The following MDGA2 variants were observed in gnomAD, a reference collection of about 807,000 sequenced individuals.
MDGA2 encodes the protein MAM domain-containing glycosylphosphatidylinositol anchor protein 2.
Under a neutral mutation model 117.8 loss-of-function variants are expected in MDGA2, and 40 were observed. The observed-to-expected ratio is 0.34, with a 90% CI of 0.26 to 0.44. MDGA2 has a LOEUF of 0.44. Ranked by LOEUF, MDGA2 falls within the 20% of genes least tolerant of loss-of-function variation. The pLI, the probability that MDGA2 is intolerant of heterozygous loss-of-function variation, is 1.00. For synonymous variants in MDGA2, 452 were observed against 439.0 expected (o/e 1.03, Z -0.37); for missense variants, 1,123 against 1,250.6 (o/e 0.90, Z 1.54).
chr14:47,556,073 G>A (rs1895677081), intron 1 of MDGA2, among the ~76,000 whole-genome samples: 1 of 152,138 alleles, frequency 6.6e-6, no homozygotes, highest in Non-Finnish European at 1.5e-5. Flanking sequence ...CCAGACACCT[G>A]ACCCCCAGTT....
intron 2 of MDGA2, among the ~76,000 whole-genome samples, chr14:47,254,287 G>T (rs2139651139): frequency 1.3e-5 from 2 of 152,240 alleles, no homozygotes; most frequent in South Asian, 4.1e-4. Flanking sequence ...CTATCACATT[G>T]TCAGGGTGCA....
chr14:46,947,357 T>C (rs1009234049), intron 9 of MDGA2, among the ~76,000 whole-genome samples: 1 of 152,136 alleles, frequency 6.6e-6, no homozygotes, highest in African/African-American at 2.4e-5. Context: ...TCAAACATTT[T>C]TGTACTTGAT....
intron 1 of MDGA2, among the ~76,000 whole-genome samples, chr14:47,303,686 TA>T (rs1270012629): frequency 6.6e-6 from 1 of 152,124 alleles, no homozygotes; most frequent in Non-Finnish European, 1.5e-5. Flanking sequence ...AAATGTTCAA[TA>T]GAAAATACAG....
chr14:46,914,593 C>T (rs978041624), intron 10 of MDGA2, among the ~76,000 whole-genome samples: 2 of 152,030 alleles, frequency 1.3e-5, no homozygotes, highest in African/African-American at 4.8e-5. Flanking sequence ...CAACCCCCTA[C>T]ATCTATGAGT....
chr14:47,323,819 T>A (rs949836848), intron 1 of MDGA2, among the ~76,000 whole-genome samples: 4 of 152,072 alleles, frequency 2.6e-5, no homozygotes, highest in African/African-American at 9.7e-5. Context: ...TAGAAAGGAA[T>A]TTGATAATTA....
intron 1 of MDGA2, among the ~76,000 whole-genome samples, chr14:47,517,627 C>G (rs1301731219): frequency 6.6e-6 from 1 of 152,080 alleles, no homozygotes; most frequent in East Asian, 1.9e-4. Flanking sequence ...CTCTTAGATT[C>G]TCCCATGCAA....
intron 8 of MDGA2, among the ~76,000 whole-genome samples, chr14:46,977,057 T>C (rs1418466420): frequency 1.3e-5 from 2 of 151,924 alleles, no homozygotes; most frequent in Non-Finnish European, 2.9e-5. Flanking sequence ...AATTCTCAAT[T>C]CTTTATTATT....
chr14:47,540,540 G>GTGTGTATATA lies in MDGA2; in HGVS notation c.280+133976_280+133977insTATATACACA. Among the ~76,000 whole-genome samples, 19 of 79,208 alleles carry GTGTGTATATA rather than the reference G, an allele frequency of 2.4e-4. No homozygotes were observed. In the East Asian group the frequency reaches 6.9e-3, roughly 29 times the overall value. The allele number at this position is 79,208 out of a possible 152,430, so 52.0% of individuals were successfully genotyped here. ...TGTATATGTGTGTGTGTGTGTGTGTGTATATATATATATGTATATATATAC... is the reference window on the plus strand; with the variant it reads ...TGTATATGTGTGTGTGTGTGTGTGTGTGTGTATATATATATATATATATGTATATATATAC... On this transcript the variant is annotated intron_variant, in intron 1 of 16. Coordinates refer to ENST00000399232, the MANE Select transcript of MDGA2 (RefSeq NM_001113498.3).
intron 2 of MDGA2, among the ~76,000 whole-genome samples, chr14:47,276,712 C>T (rs1199417120): frequency 6.6e-6 from 1 of 152,140 alleles, no homozygotes; most frequent in Non-Finnish European, 1.5e-5. Context: ...TTCTGTGCCC[C>T]AGAAATGTGT....
At position 47,310,753 on chromosome 14, in the gene MDGA2, T is replaced by C. The variant is rs1241540434; in HGVS notation, c.281-9203A>G. ...AAATCTTGGCAACTAGGTCATAGAG[T>C]ATAAAACAAACAAACAAACAAGAAA... On this transcript the variant is annotated intron_variant, in intron 1 of 16. Transcript: ENST00000399232. Among the ~76,000 whole-genome samples the C allele has an allele frequency of 5.9e-5, 9 of 151,912 alleles. No individual in the cohort carries two copies. The South Asian group carries it at 1.5e-3, about 25-fold the overall frequency.
In MDGA2 at chr14:46,918,629, C is replaced by T. The variant is rs571273764; in HGVS notation, c.2238+1383G>A. Among the ~76,000 whole-genome samples, 6 of 152,196 alleles carry T rather than the reference C, an allele frequency of 3.9e-5. No individual in the cohort carries two copies. In the South Asian group the frequency reaches 1.0e-3, roughly 26 times the overall value. On this transcript the variant is annotated intron_variant, in intron 10 of 16. Transcript: ENST00000399232. Reference sequence around the variant, plus strand: ...AATGATCCACTATGGTCTGCTGTATCGGTAGCCTGTGTGCACTTAGAGAAG... The same window carrying T: ...AATGATCCACTATGGTCTGCTGTATTGGTAGCCTGTGTGCACTTAGAGAAG...
chr14:47,061,195 C>A, intron 7 of MDGA2, 54 bp downstream of exon 7: 1 of 1,493,534 alleles, frequency 6.7e-7, no homozygotes, highest in Non-Finnish European at 9.1e-7. Flanking sequence ...ATCTGTTAAA[C>A]TTCAATCATT....
intron 1 of MDGA2, among the ~76,000 whole-genome samples, chr14:47,550,447 A>G (rs543170827): frequency 6.6e-6 from 1 of 152,324 alleles, no homozygotes; most frequent in East Asian, 1.9e-4. Flanking sequence ...TCAAGCATAT[A>G]AAAGCCATAC....
chr14:47,176,498 A>C (rs565694052), intron 3 of MDGA2, among the ~76,000 whole-genome samples: 34 of 152,304 alleles, frequency 2.2e-4, no homozygotes, highest in Middle Eastern at 3.4e-3. Context: ...ATAACACTGC[A>C]TATCTACAAC....
chr14:47,112,615 C>A (rs1881104339), intron 5 of MDGA2, among the ~76,000 whole-genome samples: 1 of 152,142 alleles, frequency 6.6e-6, no homozygotes, highest in African/African-American at 2.4e-5. Context: ...TATATATGTA[C>A]CACATTTGCT....
chr14:47,531,119 C>T (rs1895090470), intron 1 of MDGA2, among the ~76,000 whole-genome samples: 1 of 152,102 alleles, frequency 6.6e-6, no homozygotes, highest in African/African-American at 2.4e-5. Context: ...GTGGTGGGCG[C>T]CTGTAGTCCC....
At chr14:47,608,685 G>C (rs923704290) in intron 1 of MDGA2, among the ~76,000 whole-genome samples, 1 of 152,106 alleles carries the variant, frequency 6.6e-6, no homozygotes, top group African/African-American at 2.4e-5. Flanking sequence ...GGAGTCACTG[G>C]AAAGTTCTAA....
intron 3 of MDGA2, among the ~76,000 whole-genome samples, chr14:47,203,548 G>T (rs1885582334): frequency 1.3e-5 from 2 of 151,866 alleles, no homozygotes; most frequent in Admixed American, 6.6e-5. Context: ...AAGTCTTCTG[G>T]GCTCATGGAG....
chr14:47,177,206 C>G (rs908087794), intron 3 of MDGA2, among the ~76,000 whole-genome samples: 1 of 152,134 alleles, frequency 6.6e-6, no homozygotes, highest in Non-Finnish European at 1.5e-5. Flanking sequence ...GTTGGTGGGA[C>G]TATAAACTAG....
Sources: gnomAD v4.1 joint callset for allele counts (sites outside exome capture counted in the v4.1 genomes callset) on GRCh38, gnomAD v4.1.1 for gene constraint, MANE v1.5 for transcripts, NCBI Gene and HGNC (gene_info 2026-07-23, HGNC 2026-07-21) for gene names.